Variants in HHAT observed in about 807,000 individuals in gnomAD.
HHAT encodes hedgehog acyltransferase, also known as protein-cysteine N-palmitoyltransferase HHAT.
Under a neutral mutation model 70.8 loss-of-function variants are expected in HHAT, and 47 were observed. The observed-to-expected ratio is 0.66, with a 90% CI of 0.53 to 0.85. The LOEUF is 0.85. HHAT is among the 40% of genes least tolerant of loss of function. HHAT has a pLI of 0.00. For missense variants in HHAT, 609 were observed against 604.8 expected (o/e 1.01, Z -0.07); for synonymous variants, 228 against 247.6 (o/e 0.92, Z 0.74).
intron 6 of HHAT, among the ~76,000 whole-genome samples, chr1:210,410,354 C>CTTATTTGTG: frequency 6.6e-6 from 1 of 150,954 alleles, no homozygotes; most frequent in African/African-American, 2.4e-5. Flanking sequence ...CCATGCCTGG[C>CTTATTTGTG]CGGATTTTTT....
At chr1:210,592,470 C>T (rs1406726576) in intron 10 of HHAT, among the ~76,000 whole-genome samples, 1 of 151,974 alleles carries the variant, frequency 6.6e-6, no homozygotes, top group Non-Finnish European at 1.5e-5. Flanking sequence ...TAATGTGATT[C>T]CTCCAGTTTT....
chr1:210,624,094 T>G (rs1336835197), intron 11 of HHAT, among the ~76,000 whole-genome samples: 2 of 152,160 alleles, frequency 1.3e-5, no homozygotes, highest in Non-Finnish European at 2.9e-5. Flanking sequence ...ATGAGGGGTC[T>G]GCCCGCATGA....
intron 6 of HHAT, among the ~76,000 whole-genome samples, chr1:210,415,865 G>T (rs774204903): frequency 8.6e-5 from 13 of 152,008 alleles, no homozygotes; most frequent in Non-Finnish European, 7.4e-5. Flanking sequence ...CACCATGTCG[G>T]CCAGGCTGGT....
At chr1:210,352,700 G>T (rs2087156212) in intron 2 of HHAT, among the ~76,000 whole-genome samples, 1 of 152,066 alleles carries the variant, frequency 6.6e-6, no homozygotes, top group South Asian at 2.1e-4. Flanking sequence ...TAGTCAAATG[G>T]AATCTCTCAG....
intron 4 of HHAT, among the ~76,000 whole-genome samples, chr1:210,388,506 T>C (rs1437435832): frequency 1.3e-5 from 2 of 152,108 alleles, no homozygotes; most frequent in African/African-American, 4.8e-5. Flanking sequence ...CCCTGGAAGA[T>C]AGGAAATCCC....
chr1:210,337,397 A>G (rs1327287432), intron 1 of HHAT, among the ~76,000 whole-genome samples: 1 of 152,226 alleles, frequency 6.6e-6, no homozygotes, highest in African/African-American at 2.4e-5. Flanking sequence ...CCTGAACTAA[A>G]TTAACACAAA....
chr1:210,329,231 G>T, intron 1 of HHAT, 127 bp downstream of exon 1: 1 of 1,239,674 alleles, frequency 8.1e-7, no homozygotes, highest in African/African-American at 1.6e-5. Flanking sequence ...CCGTGTGCGC[G>T]CCCGAGGGCG....
chr1:210,542,404 T>G (rs2095439113), intron 9 of HHAT, among the ~76,000 whole-genome samples: 1 of 152,188 alleles, frequency 6.6e-6, no homozygotes, highest in Admixed American at 6.5e-5. Flanking sequence ...TGCCTTAGTT[T>G]CTTTTCCTGT....
chr1:210,387,862 G>A (rs1290707579), intron 4 of HHAT, among the ~76,000 whole-genome samples: 1 of 152,186 alleles, frequency 6.6e-6, no homozygotes, highest in Non-Finnish European at 1.5e-5. Flanking sequence ...CTAATCAAAT[G>A]ATCAAAAAGT....
Position 210,555,470 on chromosome 1 carries a change from C to G in HHAT, c.1044-32428C>G, listed in dbSNP as rs938665122. On this transcript the variant is annotated intron_variant, in intron 9 of 11. Transcript: ENST00000261458. ...AGACTGGGAAGTCCTGGAATTGGGC[C>G]CTAGTCCTGTTAAGGGAGTTGCTGC... Among the ~76,000 whole-genome samples, 10 of 152,152 alleles carry G rather than the reference C, an allele frequency of 6.6e-5. No individual in the cohort carries two copies. The East Asian group carries it at 1.3e-3, about 21-fold the overall frequency.
chr1:210,666,929 A>C (rs553242987), intron 11 of HHAT, among the ~76,000 whole-genome samples: 3 of 152,108 alleles, frequency 2.0e-5, no homozygotes, highest in African/African-American at 7.2e-5. Context: ...AAATACAAAA[A>C]ATTAGCTGGG....
chr1:210,579,403 A>G (rs1227790591), intron 9 of HHAT, among the ~76,000 whole-genome samples: 1 of 152,182 alleles, frequency 6.6e-6, no homozygotes, highest in Non-Finnish European at 1.5e-5. Flanking sequence ...GTTATGCAAG[A>G]TGAAGAATTT....
chr1:210,484,501 T>C lies in HHAT; in HGVS notation c.1007+19846T>C, dbSNP rs867088130. Among the ~76,000 whole-genome samples, 590 of 152,276 alleles carry C rather than the reference T, an allele frequency of 3.9e-3. 6 individuals carry two copies. The highest frequency in any genetic ancestry group is 0.014 in the African/African-American group (569 of 41,552). On this transcript the variant is annotated intron_variant, in intron 8 of 11. Transcript: ENST00000261458. ...CCGCTGTTACCATAGCTACTTTTTT[T>C]TTTTTTTGGCCTTGCAGCTAATAAG...
At chr1:210,554,183 G>A (rs947797887) in intron 9 of HHAT, among the ~76,000 whole-genome samples, 2 of 152,128 alleles carry the variant, frequency 1.3e-5, no homozygotes, top group African/African-American at 2.4e-5. Context: ...GCATGAGGGC[G>A]CACATTATTG....
chr1:210,581,196 A>T (rs1434120772), intron 9 of HHAT, among the ~76,000 whole-genome samples: 2 of 152,174 alleles, frequency 1.3e-5, no homozygotes, highest in Admixed American at 6.6e-5. Context: ...TTATAAATAC[A>T]TTTAAGTTCC....
intron 9 of HHAT, among the ~76,000 whole-genome samples, chr1:210,558,388 G>A (rs996372573): frequency 6.6e-6 from 1 of 152,186 alleles, no homozygotes; most frequent in Admixed American, 6.5e-5. Flanking sequence ...GGGGCACCCT[G>A]TGCTTCTTTC....
At chr1:210,493,755 A>G (rs577692262) in intron 8 of HHAT, among the ~76,000 whole-genome samples, 6 of 152,288 alleles carry the variant, frequency 3.9e-5, no homozygotes, top group South Asian at 2.1e-4. Context: ...AAGGCGGCCC[A>G]TTTGGTTACA....
intron 8 of HHAT, among the ~76,000 whole-genome samples, chr1:210,476,931 A>C (rs1350030726): frequency 1.3e-5 from 2 of 152,136 alleles, no homozygotes; most frequent in Non-Finnish European, 2.9e-5. Context: ...ACTTCTCAGG[A>C]CTTCTCCTCC....
intron 11 of HHAT, among the ~76,000 whole-genome samples, chr1:210,653,079 A>T (rs985762539): frequency 6.6e-6 from 1 of 152,238 alleles, no homozygotes. Context: ...CACTTACGGC[A>T]TATCCATTCT....
Sources: allele counts gnomAD v4.1 joint callset (sites outside exome capture counted in the v4.1 genomes callset), GRCh38; gene constraint gnomAD v4.1.1; transcripts MANE v1.5; gene names NCBI Gene and HGNC (gene_info 2026-07-23, HGNC 2026-07-21).